Variants in ZNF738 observed in about 807,000 individuals in gnomAD.
ZNF738 encodes protein ZNF738.
Under a neutral mutation model 9.2 loss-of-function variants are expected in ZNF738, and 10 were observed. The observed-to-expected ratio is 1.09, with a 90% CI of 0.67 to 1.85. The LOEUF is 1.85. Among genes scored for constraint, ZNF738 ranks in the 40% most tolerant of loss-of-function variants. ZNF738 has a pLI of 0.00. For synonymous variants in ZNF738, 113 were observed against 94.5 expected, an observed-to-expected ratio of 1.20 and a Z score of -1.14; for missense variants, 346 against 283.6, an observed-to-expected ratio of 1.22 and a Z score of -1.58.
At chr19:21,362,271 GAAAT>G (rs1219962181) in intron 2 of ZNF738, among the ~76,000 whole-genome samples, 1 of 151,958 alleles carries the variant, frequency 6.6e-6, no homozygotes, top group Non-Finnish European at 1.5e-5. Context: ...GAAGAATAGT[GAAAT>G]AAATATAGTA....
chr19:21,378,108 A>C (rs537119447), intron 4 of ZNF738: 25 of 396,578 alleles, frequency 6.3e-5, no homozygotes, highest in African/African-American at 5.2e-4. Flanking sequence ...TGCATGCAAA[A>C]ATTTTTTCTC....
At chr19:21,368,393 C>A (rs1973814289) in intron 2 of ZNF738, among the ~76,000 whole-genome samples, 1 of 152,138 alleles carries the variant, frequency 6.6e-6, no homozygotes, top group South Asian at 2.1e-4. Flanking sequence ...CCAGCTCCAT[C>A]CATATTGCTG....
Position 21,384,458 on chromosome 19 carries a change from C to G in ZNF738, c.*784C>G, listed in dbSNP as rs1210943174. Among the ~76,000 whole-genome samples, 3 of 152,040 alleles carry G rather than the reference C, an allele frequency of 2.0e-5. No homozygotes were observed. The highest frequency in any genetic ancestry group is 7.2e-5 in the African/African-American group (3 of 41,402). ...GCAAAGATTTCTACCAATTCTCATACCTTACTACACATAAGATGATTCATA... is the reference window on the plus strand; with the variant it reads ...GCAAAGATTTCTACCAATTCTCATAGCTTACTACACATAAGATGATTCATA... On this transcript the variant is annotated 3_prime_UTR_variant, in exon 5 of 5. Transcript: ENST00000683779.
chr19:21,361,237 A>G (rs1056342045), intron 1 of ZNF738, among the ~76,000 whole-genome samples: 2 of 151,958 alleles, frequency 1.3e-5, no homozygotes, highest in Non-Finnish European at 2.9e-5. Context: ...TCCCGGGTTC[A>G]GGCGATTCTC....
At chr19:21,381,623 A>C (rs1456850764) in intron 4 of ZNF738, 2 of 522,364 alleles carry the variant, frequency 3.8e-6, no homozygotes, top group Non-Finnish European at 7.0e-6. Context: ...CATCCCGAGT[A>C]GCTGGGACTA....
At chr19:21,376,541 T>C (rs1050749836) in intron 4 of ZNF738, 1 of 152,562 alleles carries the variant, frequency 6.6e-6, no homozygotes, top group Non-Finnish European at 1.5e-5. Context: ...TTTATTGTAG[T>C]TTTTTTGTTT....
chr19:21,383,384 G>T lies in ZNF738; in HGVS notation c.838G>T (p.Val280Leu). ...CTCCACAACTCTTACTAGACATAAG[G>T]TAATTCATGCTGGAGAGAAACACTA... ...NHSTTLTRHK[V>L]IHAGEKHYKC... The change falls in exon 5 of 5, where the codon GTA becomes TTA. Residue 280 changes from valine (V) to leucine (L), a missense_variant. Val to Leu is a conservative substitution (Grantham distance 32, BLOSUM62 1). Coordinates refer to ENST00000683779, the MANE Select transcript of ZNF738 (RefSeq NM_001355237.2). 3 of 952,892 alleles carry T rather than the reference G, an allele frequency of 3.1e-6. No homozygotes were observed. The highest frequency in any genetic ancestry group is 1.7e-6 in the Non-Finnish European group (1 of 605,626). The allele number at this position is 952,892 out of a possible 1,614,324, so 59.0% of individuals were successfully genotyped here.
At chr19:21,377,797 G>T in intron 4 of ZNF738, 1 of 357,088 alleles carries the variant, frequency 2.8e-6, no homozygotes, top group East Asian at 3.9e-5. Context: ...TTGGATCTTG[G>T]TTTTTAATAA....
chr19:21,368,530 G>A (rs1199496381), intron 2 of ZNF738, among the ~76,000 whole-genome samples: 1 of 150,706 alleles, frequency 6.6e-6, no homozygotes, highest in Admixed American at 6.6e-5. Flanking sequence ...GTGCTATCTC[G>A]GCTCACTGCA....
At chr19:21,368,858 TC>T (rs1599713845) in intron 2 of ZNF738, among the ~76,000 whole-genome samples, 2 of 151,688 alleles carry the variant, frequency 1.3e-5, no homozygotes, top group South Asian at 4.2e-4. Flanking sequence ...TGCCTCAGCC[TC>T]CCGAGTAGCT....
At chr19:21,376,613 C>T (rs966581309) in intron 4 of ZNF738, among the ~76,000 whole-genome samples, 4 of 152,060 alleles carry the variant, frequency 2.6e-5, no homozygotes, top group African/African-American at 4.8e-5. Flanking sequence ...AGTGCAAAGG[C>T]GCCATCTTGG....
Position 21,387,127 on chromosome 19 carries a change from A to G in ZNF738, c.*3453A>G, listed in dbSNP as rs1312977769. On this transcript the variant is annotated 3_prime_UTR_variant, in exon 5 of 5. Transcript: ENST00000683779. ...CTTTTCTAACCATAAAAAGAATCAT[A>G]TTGGTGAGAAATCCTAGAAATGTGA... 4 of 154,012 alleles carry G rather than the reference A, an allele frequency of 2.6e-5. No homozygotes were observed. The highest frequency in any genetic ancestry group is 4.4e-5 in the Non-Finnish European group (3 of 68,094). The allele number at this position is 154,012 out of a possible 1,614,324, so 9.5% of individuals were successfully genotyped here. A position where few individuals can be genotyped will look rare whatever the true frequency, so the allele number is the denominator to read the frequency against.
intron 1 of ZNF738, among the ~76,000 whole-genome samples, chr19:21,360,094 A>C (rs1214832875): frequency 6.6e-5 from 10 of 152,196 alleles, no homozygotes; most frequent in Admixed American, 6.5e-4. Context: ...CTGGTTATGT[A>C]ATCGGAGCTC....
chr19:21,369,227 G>T (rs1973825722), intron 2 of ZNF738, among the ~76,000 whole-genome samples: 1 of 152,046 alleles, frequency 6.6e-6, no homozygotes, highest in Non-Finnish European at 1.5e-5. Context: ...TCCTACCTCA[G>T]CCCCTTAAGT....
chr19:21,384,034 T>A lies in ZNF738; in HGVS notation c.*360T>A. On this transcript the variant is annotated 3_prime_UTR_variant, in exon 5 of 5. Coordinates refer to ENST00000683779, the MANE Select transcript of ZNF738 (RefSeq NM_001355237.2). ...TGTGGCAAAGCTTTCTACCGATTCATTTACCTTACTACACATAAGAGAATT... is the reference window on the plus strand; with the variant it reads ...TGTGGCAAAGCTTTCTACCGATTCAATTACCTTACTACACATAAGAGAATT... 1 of 1,449,420 alleles carries A rather than the reference T, an allele frequency of 6.9e-7. No homozygotes were observed. The allele number at this position is 1,449,420 out of a possible 1,614,324, so 89.8% of individuals were successfully genotyped here. A position where few individuals can be genotyped will look rare whatever the true frequency, so the allele number is the denominator to read the frequency against.
chr19:21,374,475 T>G (rs1973900016), intron 2 of ZNF738, among the ~76,000 whole-genome samples: 1 of 152,242 alleles, frequency 6.6e-6, no homozygotes, highest in Non-Finnish European at 1.5e-5. Flanking sequence ...TTTGTCCTTG[T>G]GCAGTTGATT....
intron 4 of ZNF738, 173 bp downstream of exon 4, chr19:21,376,137 C>T: frequency 2.3e-6 from 1 of 441,304 alleles, no homozygotes; most frequent in East Asian, 4.0e-5. Flanking sequence ...TTGTTACTGT[C>T]ACATAGGGCC....
At position 21,388,179 on chromosome 19, in the gene ZNF738, T is replaced by C. The variant is rs1222678116; in HGVS notation, c.*4505T>C. On this transcript the variant is annotated 3_prime_UTR_variant, in exon 5 of 5. Transcript: ENST00000683779. ...AATTTAAGAGGAGTAAAAGATTTTT[T>C]GCAGAGTAATAACTACATTCTAAGT... 6.6e-6 allele frequency among the ~76,000 whole-genome samples: 1 copy of C among 152,172 alleles called. No homozygotes were observed. The highest frequency in any genetic ancestry group is 2.4e-5 in the African/African-American group (1 of 41,444).
chr19:21,376,235 C>T lies in ZNF738; in HGVS notation c.319+271C>T, dbSNP rs147875845. On this transcript the variant is annotated intron_variant, in intron 4 of 4. Transcript: ENST00000683779. ...CAAGTTCACAGTGAGAGCCAGAGTC[C>T]TCTTCATGGCATATAAAAGACTGCA... 1.3e-3 allele frequency: 403 copies of T among 301,096 alleles called. 1 individual carries two copies. The highest frequency in any genetic ancestry group is 8.3e-3 in the African/African-American group (372 of 44,582). The allele number at this position is 301,096 out of a possible 1,614,324, so 18.7% of individuals were successfully genotyped here.
Sources: allele counts gnomAD v4.1 joint callset (sites outside exome capture counted in the v4.1 genomes callset), GRCh38; gene constraint gnomAD v4.1.1; transcripts MANE v1.5; gene names NCBI Gene and HGNC (gene_info 2026-07-23, HGNC 2026-07-21).